Variants in LPP observed in about 807,000 individuals in gnomAD.
The protein encoded by LPP is lipoma-preferred partner.
LPP carries 38 observed loss-of-function variants against 60.4 expected under a neutral mutation model. The observed-to-expected ratio is 0.63, with a 90% CI of 0.49 to 0.83. The LOEUF (loss-of-function observed/expected upper bound fraction) is 0.83, where lower values mean the gene tolerates loss of function less well. Among genes scored for constraint, LPP ranks in the 40% least tolerant of loss-of-function variants. The pLI is 0.00. For synonymous variants in LPP, 328 were observed against 290.8 expected (o/e 1.13, Z -1.30); for missense variants, 902 against 783.6 (o/e 1.15, Z -1.80).
chr3:188,437,393 T>C (rs1170688514), intron 4 of LPP, among the ~76,000 whole-genome samples: 1 of 152,212 alleles, frequency 6.6e-6, no homozygotes, highest in African/African-American at 2.4e-5. Flanking sequence ...ATCACATAAA[T>C]CCTTCTTGGA....
intron 9 of LPP, among the ~76,000 whole-genome samples, chr3:188,795,594 C>T (rs1260202468): frequency 6.6e-6 from 1 of 152,112 alleles, no homozygotes; most frequent in Non-Finnish European, 1.5e-5. Context: ...CACTTTCACA[C>T]AGTAACAAAG....
At chr3:188,640,215 G>A (rs1434392916) in intron 7 of LPP, among the ~76,000 whole-genome samples, 3 of 151,436 alleles carry the variant, frequency 2.0e-5, no homozygotes, top group Non-Finnish European at 4.4e-5. Context: ...CATGTCCTTT[G>A]TAGGGACATG....
At chr3:188,665,448 CT>C (rs1339978558) in intron 7 of LPP, among the ~76,000 whole-genome samples, 1,343 of 131,214 alleles carry the variant, frequency 0.01, 610 homozygotes, top group Middle Eastern at 0.019. Flanking sequence ...CATATTCCTT[CT>C]TCTTCTTCTT....
intron 1 of LPP, among the ~76,000 whole-genome samples, chr3:188,183,686 C>T (rs1396603252): frequency 6.6e-6 from 1 of 151,572 alleles, no homozygotes; most frequent in Non-Finnish European, 1.5e-5. Context: ...GCTCACTGTG[C>T]CAGGCACTCT....
rs146428709 is a variant in LPP, at chr3:188,832,194, G to A, written c.1411-34006G>A. Among the ~76,000 whole-genome samples, 335 of 152,272 alleles carry A rather than the reference G, an allele frequency of 2.2e-3. 5 individuals carry two copies. Among genetic ancestry groups the A allele is most frequent in the Admixed American group, 0.015 (234 of 15,290 alleles). On this transcript the variant is annotated intron_variant, in intron 9 of 11. Transcript: ENST00000617246. ...GGGGTGTAACTTACCATGATTACAT[G>A]TTGTGATATACGAGTCCATCTCAGC...
intron 7 of LPP, among the ~76,000 whole-genome samples, chr3:188,663,287 TC>T (rs1855011918): frequency 6.6e-6 from 1 of 152,168 alleles, no homozygotes; most frequent in Non-Finnish European, 1.5e-5. Flanking sequence ...GCTTTGTATT[TC>T]CCTTAATTGC....
At chr3:188,672,536 G>C (rs1023309112) in intron 7 of LPP, among the ~76,000 whole-genome samples, 2 of 152,156 alleles carry the variant, frequency 1.3e-5, no homozygotes, top group African/African-American at 4.8e-5. Context: ...GTGTGTGTAC[G>C]TTGATGGAGG....
rs1843188652 is a variant in LPP, at chr3:188,609,426, C to T, written c.695C>T (p.Pro232Leu). Residue 232 changes from proline to leucine, a missense_variant, in exon 7 of 12, where the codon CCT (proline) becomes CTT (leucine). By Grantham distance (98) the Pro-to-Leu change is moderately conservative. Transcript: ENST00000617246. This position sits in a 1 kb window ranked among gnomAD's most constrained non-coding sequence, Gnocchi z 6.9. ...NVQVKSAQPSPHYMAAPSSGQ... is the reference protein window; with the variant it reads ...NVQVKSAQPSLHYMAAPSSGQ... ...CAGGTGAAGTCAGCCCAGCCCAGCC[C>T]TCATTATATGGCTGCCCCTTCATCA... The T allele has an allele frequency of 3.1e-6, 5 of 1,614,172 alleles. No homozygotes were observed. Among genetic ancestry groups the T allele is most frequent in the Non-Finnish European group, 4.2e-6 (5 of 1,180,038 alleles).
rs1045784503 is a variant in LPP, at chr3:188,875,050, A to G, written c.*571A>G. On this transcript the variant is annotated 3_prime_UTR_variant, in exon 12 of 12. Coordinates refer to ENST00000617246, the MANE Select transcript of LPP (RefSeq NM_001375462.1). ...GTAAAGAATTTAAGCTGTAAATTAC[A>G]TAAGTTAGAACAAGCCCAAATTTAA... 5.4e-5 allele frequency: 12 copies of G among 221,600 alleles called. No individual in the cohort carries two copies. In the South Asian group the frequency reaches 5.5e-4, roughly 10 times the overall value. The allele number at this position is 221,600 out of a possible 1,614,324, so 13.7% of individuals were successfully genotyped here.
At position 188,779,384 on chromosome 3, in the gene LPP, C is replaced by T. The variant is rs185391697; in HGVS notation, c.1410+19102C>T. Among the ~76,000 whole-genome samples the T allele has an allele frequency of 1.7e-3, 260 of 152,216 alleles. 1 individual carries two copies. Among genetic ancestry groups the T allele is most frequent in the Admixed American group, 5.1e-3 (78 of 15,294 alleles). The stretch of plus-strand genomic sequence containing the variant: ...GACGTGCATCAGTGCGAGGCTGACA[C>T]ACAGATCTGAGGATGGCAGAAGCTC... On this transcript the variant is annotated intron_variant, in intron 9 of 11. Coordinates refer to ENST00000617246, the MANE Select transcript of LPP (RefSeq NM_001375462.1).
intron 3 of LPP, among the ~76,000 whole-genome samples, chr3:188,384,579 C>T (rs1777734989): frequency 6.6e-6 from 1 of 151,964 alleles, no homozygotes; most frequent in Admixed American, 6.6e-5. Flanking sequence ...ATCATGAGGT[C>T]AGGAGATTGA....
chr3:188,267,580 T>C (rs974824290), intron 2 of LPP, among the ~76,000 whole-genome samples: 1 of 152,220 alleles, frequency 6.6e-6, no homozygotes, highest in African/African-American at 2.4e-5. Context: ...GCTCTGTGCC[T>C]CTGTGGACCC....
intron 8 of LPP, chr3:188,746,643 AT>A: frequency 4.6e-6 from 2 of 431,974 alleles, no homozygotes; most frequent in South Asian, 3.6e-5. Flanking sequence ...ATCCATTTTT[AT>A]GCAGTTTCTG....
At chr3:188,523,203 G>C (rs546071579) in intron 5 of LPP, among the ~76,000 whole-genome samples, 11 of 151,992 alleles carry the variant, frequency 7.2e-5, no homozygotes, top group African/African-American at 2.7e-4. Context: ...CACCGCGCCC[G>C]TCCTGAAATC....
intron 6 of LPP, among the ~76,000 whole-genome samples, chr3:188,607,370 G>GATATAGATAT (rs1553941080): frequency 2.8e-4 from 29 of 102,730 alleles, no homozygotes; most frequent in African/African-American, 1.0e-3. Flanking sequence ...GAAAATAGAA[G>GATATAGATAT]ATATATATAT....
Position 188,607,370 on chromosome 3 carries a change from GATATATAT to G in LPP, c.430-1751_430-1744del, listed in dbSNP as rs10527365. ...TATAACTGTATGTTTGAAAATAGAA[GATATATAT>G]ATATATATATATATATATATATATA... On this transcript the variant is annotated intron_variant, in intron 6 of 11. Coordinates refer to ENST00000617246, the MANE Select transcript of LPP (RefSeq NM_001375462.1). Among the ~76,000 whole-genome samples the G allele has an allele frequency of 7.6e-3, 775 of 102,506 alleles. 11 individuals are homozygous for G. The highest frequency in any genetic ancestry group is 0.013 in the African/African-American group (354 of 27,876). The allele number at this position is 102,506 out of a possible 152,430, so 67.2% of individuals were successfully genotyped here. A position where few individuals can be genotyped will look rare whatever the true frequency, so the allele number is the denominator to read the frequency against.
At chr3:188,262,324 T>C (rs1733950679) in intron 2 of LPP, among the ~76,000 whole-genome samples, 1 of 151,220 alleles carries the variant, frequency 6.6e-6, no homozygotes. Flanking sequence ...ATATTGAAAA[T>C]AGTGTTTTTT....
intron 4 of LPP, among the ~76,000 whole-genome samples, chr3:188,449,124 A>G (rs1796006015): frequency 6.6e-6 from 1 of 152,176 alleles, no homozygotes; most frequent in Non-Finnish European, 1.5e-5. Context: ...GGAGTTTTGA[A>G]ACTTTTACTT....
chr3:188,252,070 A>G (rs1368474787), intron 2 of LPP, among the ~76,000 whole-genome samples: 7 of 115,506 alleles, frequency 6.1e-5, no homozygotes, highest in African/African-American at 2.4e-4. Flanking sequence ...ATATATATAT[A>G]TATATACACA....
Sources: gnomAD v4.1 joint callset for allele counts (sites outside exome capture counted in the v4.1 genomes callset) on GRCh38, gnomAD v4.1.1 for gene constraint, Gnocchi (gnomAD v3.1) non-coding constraint, MANE v1.5 for transcripts, NCBI Gene and HGNC (gene_info 2026-07-23, HGNC 2026-07-21) for gene names.